DYM: variants seen among roughly 807,000 people sequenced by gnomAD.
DYM encodes dyggve-Melchior-Clausen syndrome protein.
DYM carries 78 observed loss-of-function variants against 93.1 expected under a neutral mutation model. The ratio of observed to expected loss-of-function variants is 0.84; its 90% CI spans 0.70 to 1.01. The LOEUF (loss-of-function observed/expected upper bound fraction) is 1.01, where lower values mean the gene tolerates loss of function less well. DYM is among the 50% of genes least tolerant of loss of function. The pLI is 0.00. For synonymous variants in DYM, 321 were observed against 319.7 expected, an observed-to-expected ratio of 1.00 and a Z score of -0.04; for missense variants, 789 against 845.0, an observed-to-expected ratio of 0.93 and a Z score of 0.82.
chr18:49,189,301 C>G (rs1413194038), intron 14 of DYM, among the ~76,000 whole-genome samples: 2 of 152,080 alleles, frequency 1.3e-5, no homozygotes, highest in Non-Finnish European at 2.9e-5. Flanking sequence ...TTCCCTGAAT[C>G]GAAAATTTTT....
intron 17 of DYM, among the ~76,000 whole-genome samples, chr18:49,087,688 C>T (rs1019506033): frequency 1.3e-5 from 2 of 152,148 alleles, no homozygotes; most frequent in African/African-American, 4.8e-5. Flanking sequence ...CTTGAGGAAT[C>T]GCCACACTGA....
intron 15 of DYM, among the ~76,000 whole-genome samples, chr18:49,137,121 G>A (rs1336147581): frequency 6.6e-6 from 1 of 152,182 alleles, no homozygotes; most frequent in African/African-American, 2.4e-5. Context: ...CCTATCACCA[G>A]AACACACTGA....
intron 14 of DYM, among the ~76,000 whole-genome samples, chr18:49,192,917 G>A (rs1439634961): frequency 6.6e-6 from 1 of 152,146 alleles, no homozygotes; most frequent in African/African-American, 2.4e-5. Context: ...CGGGGAAAAG[G>A]AGATTACAGT....
Position 49,039,275 on chromosome 18 carries a change from T to C in DYM, c.*4780A>G, listed in dbSNP as rs942052056. Among the ~76,000 whole-genome samples, 1 of 152,232 alleles carries C rather than the reference T, an allele frequency of 6.6e-6. No homozygotes were observed. The highest frequency in any genetic ancestry group is 2.4e-5 in the African/African-American group (1 of 41,466). ...TTCTGCTGAGAAGGAGCTGTCAGTC[T>C]AATATTATTGCTCCTTTAATGGTTA... On this transcript the variant is annotated 3_prime_UTR_variant, in exon 18 of 18. Transcript: ENST00000675505.
rs555764195 is a variant in DYM at position 49,273,339 on chromosome 18, C to T, written c.1126-1036G>A. Among the ~76,000 whole-genome samples the T allele has an allele frequency of 1.2e-4, 19 of 152,288 alleles. No individual in the cohort carries two copies. The South Asian group carries it at 3.7e-3, about 30-fold the overall frequency. On this transcript the variant is annotated intron_variant, in intron 10 of 17. Transcript: ENST00000675505. ...CTCTTTTCCCAGGCATTCTTGTCTTCGGAGTTCCTTCTGACATTTTGTCAA... is the reference window on the plus strand; with the variant it reads ...CTCTTTTCCCAGGCATTCTTGTCTTTGGAGTTCCTTCTGACATTTTGTCAA...
At chr18:49,242,935 C>T (rs888981048) in intron 13 of DYM, among the ~76,000 whole-genome samples, 9 of 152,106 alleles carry the variant, frequency 5.9e-5, no homozygotes, top group African/African-American at 2.2e-4. Context: ...CTCCTGACCT[C>T]GTGATCCACC....
At chr18:49,286,750 C>G in intron 8 of DYM, 134 bp from the exon 9 acceptor site, 1 of 873,568 alleles carries the variant, frequency 1.1e-6, no homozygotes, top group East Asian at 2.7e-5. Context: ...CATGTCTATA[C>G]ATTTCACAAG....
At chr18:49,459,896 A>C (rs953117775) in intron 1 of DYM, among the ~76,000 whole-genome samples, 2 of 141,484 alleles carry the variant, frequency 1.4e-5, no homozygotes, top group Admixed American at 1.4e-4. Flanking sequence ...GTGACTGCTA[A>C]TGGGTACGAG....
chr18:49,452,475 A>G (rs1355365904), intron 1 of DYM, among the ~76,000 whole-genome samples: 1 of 151,862 alleles, frequency 6.6e-6, no homozygotes, highest in Non-Finnish European at 1.5e-5. Flanking sequence ...CAGGGTGCTG[A>G]TTGGTGCGTT....
chr18:49,213,076 T>G (rs992644432), intron 13 of DYM, among the ~76,000 whole-genome samples: 1 of 152,196 alleles, frequency 6.6e-6, no homozygotes, highest in Admixed American at 6.5e-5. Context: ...GATTGTGCAA[T>G]GTATAGTTCT....
At chr18:49,127,531 T>C (rs978647210) in intron 15 of DYM, among the ~76,000 whole-genome samples, 1 of 152,214 alleles carries the variant, frequency 6.6e-6, no homozygotes, top group Non-Finnish European at 1.5e-5. Context: ...AAGAGAGTTG[T>C]CTAAATTTCC....
chr18:49,360,826 G>A (rs2147318909), intron 6 of DYM, among the ~76,000 whole-genome samples: 1 of 152,286 alleles, frequency 6.6e-6, no homozygotes, highest in Admixed American at 6.5e-5. Context: ...GAAACCCAAA[G>A]ATATGGGATC....
chr18:49,052,601 G>C (rs1392988919), intron 17 of DYM, among the ~76,000 whole-genome samples: 2 of 152,322 alleles, frequency 1.3e-5, no homozygotes, highest in East Asian at 3.9e-4. Context: ...TTCTTCACTT[G>C]AGAGTGTCTT....
At chr18:49,385,096 A>C (rs1015056423) in intron 3 of DYM, among the ~76,000 whole-genome samples, 20 of 152,080 alleles carry the variant, frequency 1.3e-4, no homozygotes, top group South Asian at 2.1e-4. Context: ...AAAAGGACAA[A>C]TGAGGCCACA....
At chr18:49,448,021 G>A (rs1466710054) in intron 1 of DYM, among the ~76,000 whole-genome samples, 2 of 152,092 alleles carry the variant, frequency 1.3e-5, no homozygotes, top group African/African-American at 2.4e-5. Flanking sequence ...GCCACCTAGT[G>A]AAATAGGAAT....
At chr18:49,394,593 G>A (rs1396429898) in intron 2 of DYM, among the ~76,000 whole-genome samples, 1 of 152,032 alleles carries the variant, frequency 6.6e-6, no homozygotes, top group Non-Finnish European at 1.5e-5. Flanking sequence ...GATAGGGATT[G>A]CATTGAATCT....
rs1173242938 is a variant in DYM, at chr18:49,041,967, A to T, written c.*2088T>A. ...AGCTCAGCTGTTCCACATGACCCTT[A>T]AACATTTAAACAATTTTTTGGTTTA... On this transcript the variant is annotated 3_prime_UTR_variant, in exon 18 of 18. Transcript: ENST00000675505. 6.6e-6 allele frequency: 1 copy of T among 152,174 alleles called. No individual in the cohort carries two copies. Among genetic ancestry groups the T allele is most frequent in the Non-Finnish European group, 1.5e-5 (1 of 68,050 alleles). The allele number at this position is 152,174 out of a possible 1,614,324, so 9.4% of individuals were successfully genotyped here. A position where few individuals can be genotyped will look rare whatever the true frequency, so the allele number is the denominator to read the frequency against.
intron 14 of DYM, 97 bp downstream of exon 14, chr18:49,209,454 T>C: frequency 1.2e-6 from 1 of 819,378 alleles, no homozygotes; most frequent in Non-Finnish European, 1.6e-6. Flanking sequence ...AAATGTTCTC[T>C]TTAATAATTT....
At chr18:49,331,675 A>C (rs1315690075) in intron 8 of DYM, among the ~76,000 whole-genome samples, 189 bp downstream of exon 8, 1 of 152,232 alleles carries the variant, frequency 6.6e-6, no homozygotes, top group Non-Finnish European at 1.5e-5. Context: ...CATTATTTGC[A>C]TACATTTTAC....
Sources: gnomAD v4.1 joint callset for allele counts (sites outside exome capture counted in the v4.1 genomes callset) on GRCh38, gnomAD v4.1.1 for gene constraint, MANE v1.5 for transcripts, NCBI Gene and HGNC (gene_info 2026-07-23, HGNC 2026-07-21) for gene names.